The following ADAMTS12 variants were observed in gnomAD, a reference collection of about 807,000 sequenced individuals.
ADAMTS12 encodes A disintegrin and metalloproteinase with thrombospondin motifs 12.
Under a neutral mutation model 167.8 loss-of-function variants are expected in ADAMTS12, and 118 were observed. The ratio of observed to expected loss-of-function variants is 0.70; its 90% CI spans 0.61 to 0.82. The LOEUF (loss-of-function observed/expected upper bound fraction) is 0.82. Ranked by LOEUF, ADAMTS12 falls within the 40% of genes least tolerant of loss-of-function variation. The pLI is 0.00. For synonymous variants in ADAMTS12, 704 were observed against 716.9 expected, an observed-to-expected ratio of 0.98 and a Z score of 0.29; for missense variants, 1,916 against 1,998.8, an observed-to-expected ratio of 0.96 and a Z score of 0.79.
intron 2 of ADAMTS12, among the ~76,000 whole-genome samples, chr5:33,775,720 C>T (rs1745890388): frequency 6.6e-6 from 1 of 152,206 alleles, no homozygotes; most frequent in South Asian, 2.1e-4. Context: ...CCACATCACC[C>T]TTCCCCAAGC....
chr5:33,815,249 G>C (rs752727966), intron 2 of ADAMTS12, among the ~76,000 whole-genome samples: 1 of 152,150 alleles, frequency 6.6e-6, no homozygotes, highest in Non-Finnish European at 1.5e-5. Flanking sequence ...GAATGTTTCT[G>C]TTCCCATTAA....
chr5:33,529,248 C>T (rs923697684), intron 23 of ADAMTS12, among the ~76,000 whole-genome samples: 17 of 152,136 alleles, frequency 1.1e-4, no homozygotes, highest in Non-Finnish European at 2.2e-4. Context: ...AAAGTGTGTC[C>T]TTTAATTTTC....
chr5:33,767,957 A>T (rs1193513234), intron 2 of ADAMTS12, among the ~76,000 whole-genome samples: 1 of 152,224 alleles, frequency 6.6e-6, no homozygotes, highest in Non-Finnish European at 1.5e-5. Flanking sequence ...AAATAAACTC[A>T]CTAATAGGCA....
At chr5:33,530,853 G>A (rs569895967) in intron 23 of ADAMTS12, among the ~76,000 whole-genome samples, 1 of 152,310 alleles carries the variant, frequency 6.6e-6, no homozygotes, top group East Asian at 1.9e-4. Context: ...AAGGTTGTGG[G>A]TTGAACTGTA....
intron 3 of ADAMTS12, among the ~76,000 whole-genome samples, chr5:33,688,322 G>T: frequency 6.9e-6 from 1 of 145,558 alleles, no homozygotes. Context: ...GGCAGCTTAA[G>T]CAAGGAAAAT....
At chr5:33,683,400 C>A (rs1742202049) in intron 4 of ADAMTS12, among the ~76,000 whole-genome samples, 1 of 152,178 alleles carries the variant, frequency 6.6e-6, no homozygotes, top group Admixed American at 6.5e-5. Context: ...AATACCTTTT[C>A]CCACCTCAAT....
At chr5:33,595,802 C>T (rs1747891701) in intron 17 of ADAMTS12, 132 bp downstream of exon 17, 3 of 1,350,562 alleles carry the variant, frequency 2.2e-6, no homozygotes, top group South Asian at 1.4e-5. Flanking sequence ...ACAGAAAACT[C>T]TAACCGCGTT....
chr5:33,670,711 C>T (rs1741655611), intron 5 of ADAMTS12, among the ~76,000 whole-genome samples: 1 of 152,182 alleles, frequency 6.6e-6, no homozygotes, highest in Non-Finnish European at 1.5e-5. Flanking sequence ...CACTGCACTC[C>T]AGCCTGAACG....
intron 3 of ADAMTS12, among the ~76,000 whole-genome samples, chr5:33,745,994 T>C (rs1158775385): frequency 1.3e-5 from 2 of 152,078 alleles, no homozygotes; most frequent in Non-Finnish European, 2.9e-5. Context: ...CGGCAGATAA[T>C]AATAATAACA....
chr5:33,637,790 G>T, intron 11 of ADAMTS12, 44 bp from the exon 12 acceptor site: 1 of 1,596,314 alleles, frequency 6.3e-7, no homozygotes, highest in Non-Finnish European at 8.6e-7. Context: ...TTGCTTCAAC[G>T]CCAGCACTTT....
intron 2 of ADAMTS12, among the ~76,000 whole-genome samples, chr5:33,762,861 C>A (rs1196743544): frequency 6.6e-6 from 1 of 152,156 alleles, no homozygotes; most frequent in Non-Finnish European, 1.5e-5. Flanking sequence ...GGAGCTGAAG[C>A]AATACACACC....
chr5:33,705,970 C>T (rs6451019), intron 3 of ADAMTS12, among the ~76,000 whole-genome samples: 92,781 of 151,868 alleles, frequency 0.61, 29,517 homozygotes, highest in Non-Finnish European at 0.69. Context: ...ATGAAAGAAA[C>T]TGAAGAGGAC....
intron 1 of ADAMTS12, 78 bp downstream of exon 1, chr5:33,891,652 G>T (rs1292697948): frequency 1.3e-6 from 2 of 1,592,936 alleles, no homozygotes; most frequent in Non-Finnish European, 1.7e-6. Context: ...CCGGGTGGGG[G>T]AAGGGAAAGG....
intron 7 of ADAMTS12, among the ~76,000 whole-genome samples, chr5:33,650,918 C>G (rs1055661729): frequency 2.0e-5 from 3 of 152,160 alleles, no homozygotes; most frequent in African/African-American, 7.2e-5. Flanking sequence ...AAGCTCATAT[C>G]CAACTTTAAT....
chr5:33,762,065 G>A (rs1196873649), intron 2 of ADAMTS12, among the ~76,000 whole-genome samples: 2 of 152,092 alleles, frequency 1.3e-5, no homozygotes, highest in African/African-American at 4.8e-5. Flanking sequence ...CGTGGCATGC[G>A]CCTGTAGTCC....
chr5:33,641,131 A>G (rs1740425918), intron 11 of ADAMTS12, among the ~76,000 whole-genome samples: 1 of 152,032 alleles, frequency 6.6e-6, no homozygotes, highest in Non-Finnish European at 1.5e-5. Context: ...AATGAAATTA[A>G]GAATGTAATG....
At chr5:33,593,016 C>A (rs1747724591) in intron 17 of ADAMTS12, among the ~76,000 whole-genome samples, 1 of 152,164 alleles carries the variant, frequency 6.6e-6, no homozygotes, top group Non-Finnish European at 1.5e-5. Context: ...TGGGCTCATG[C>A]CTGTAATCCC....
At chr5:33,730,286 TA>T (rs371001496) in intron 3 of ADAMTS12, among the ~76,000 whole-genome samples, 1 of 64,460 alleles carries the variant, frequency 1.6e-5, no homozygotes, top group African/African-American at 4.9e-5. Flanking sequence ...CAGAGTCCAT[TA>T]GGGTGTGTGT....
At chr5:33,600,654 C>T (rs1738143286) in intron 16 of ADAMTS12, among the ~76,000 whole-genome samples, 2 of 152,148 alleles carry the variant, frequency 1.3e-5, no homozygotes, top group African/African-American at 4.8e-5. Flanking sequence ...ATTGTATACT[C>T]AATCTTTAAA....
Sources: allele counts gnomAD v4.1 joint callset (sites outside exome capture counted in the v4.1 genomes callset), GRCh38; gene constraint gnomAD v4.1.1; transcripts MANE v1.5; gene names NCBI Gene and HGNC (gene_info 2026-07-23, HGNC 2026-07-21).